The following SLIT3 variants were observed in gnomAD, a reference collection of about 807,000 sequenced individuals.
SLIT3 encodes the protein slit guidance ligand 3, also known as slit homolog 3 protein.
SLIT3 carries 68 observed loss-of-function variants against 184.0 expected under a neutral mutation model. That is an observed-to-expected ratio of 0.37 (90% CI 0.30 to 0.45). SLIT3 has a LOEUF of 0.45. SLIT3 is among the 20% of genes least tolerant of loss of function. SLIT3 has a pLI of 1.00. For missense variants in SLIT3, 1,707 were observed against 2,026.0 expected, an observed-to-expected ratio of 0.84 and a Z score of 3.02; for synonymous variants, 831 against 828.6, an observed-to-expected ratio of 1.00 and a Z score of -0.05.
intron 7 of SLIT3, among the ~76,000 whole-genome samples, chr5:168,817,782 G>C (rs1341998766): frequency 6.6e-6 from 1 of 152,168 alleles, no homozygotes; most frequent in South Asian, 2.1e-4. Context: ...GTGACATCCT[G>C]ATTGGAGTCA....
chr5:169,061,169 G>A (rs1758161682), intron 4 of SLIT3, among the ~76,000 whole-genome samples: 1 of 152,222 alleles, frequency 6.6e-6, no homozygotes, highest in Admixed American at 6.5e-5. Context: ...TCCCATGAAT[G>A]TTTTCTTCCT....
rs367545101 is a variant in SLIT3, at chr5:168,749,469, T to C, written c.2137+3A>G. 5 of 1,613,978 alleles carry C rather than the reference T, an allele frequency of 3.1e-6. No homozygotes were observed. Among genetic ancestry groups the C allele is most frequent in the African/African-American group, 2.7e-5 (2 of 74,918 alleles). On this transcript the variant is annotated splice_donor_region_variant and intron_variant, in intron 19 of 35. Transcript: ENST00000519560. Reference sequence around the variant, plus strand: ...CGCAGACCTTGACCCACAGCCTTCTTACCATCACAGGTGAAGTCCTGGATG... The same window carrying C: ...CGCAGACCTTGACCCACAGCCTTCTCACCATCACAGGTGAAGTCCTGGATG...
intron 4 of SLIT3, among the ~76,000 whole-genome samples, chr5:169,103,215 T>C (rs578247386): frequency 6.6e-6 from 1 of 152,296 alleles, no homozygotes; most frequent in African/African-American, 2.4e-5. Flanking sequence ...CAACACAAAA[T>C]AGCTCGGAAA....
rs1755192533 is a variant in SLIT3 at position 168,762,507 on chromosome 5, G to C, written c.1610+32C>G. 4 of 1,606,420 alleles carry C rather than the reference G, an allele frequency of 2.5e-6. No individual in the cohort carries two copies. The South Asian group carries it at 3.3e-5, about 13-fold the overall frequency. On this transcript the variant is annotated intron_variant, in intron 15 of 35. Transcript: ENST00000519560. ...CTCCGGGTGACTGGCGTGTGGGGAGGAGTAGGGAGTTCACGCCGAGGTTGG... is the reference window on the plus strand; with the variant it reads ...CTCCGGGTGACTGGCGTGTGGGGAGCAGTAGGGAGTTCACGCCGAGGTTGG...
chr5:169,129,069 T>A (rs1761190490), intron 4 of SLIT3, among the ~76,000 whole-genome samples: 1 of 152,270 alleles, frequency 6.6e-6, no homozygotes, highest in East Asian at 1.9e-4. Flanking sequence ...TTATAATTCC[T>A]TGGTAAGCTG....
intron 3 of SLIT3, among the ~76,000 whole-genome samples, chr5:169,230,019 T>C (rs1210625521): frequency 6.6e-6 from 1 of 152,206 alleles, no homozygotes; most frequent in African/African-American, 2.4e-5. Flanking sequence ...CATCTGCTGC[T>C]CACTGTATAA....
chr5:169,194,351 A>G (rs567151822), intron 3 of SLIT3, among the ~76,000 whole-genome samples: 16 of 152,156 alleles, frequency 1.1e-4, no homozygotes, highest in Admixed American at 8.5e-4. Context: ...TTGCTTCAGG[A>G]ACAAAGAAGA....
chr5:169,017,902 G>A (rs1452222249), intron 4 of SLIT3: 3 of 152,254 alleles, frequency 2.0e-5, no homozygotes, highest in Non-Finnish European at 4.4e-5. Flanking sequence ...ATGGGCTTAA[G>A]CAGGAGGAAA....
chr5:168,762,088 CTCT>C (rs1441750855), intron 15 of SLIT3, among the ~76,000 whole-genome samples: 1 of 148,940 alleles, frequency 6.7e-6, no homozygotes, highest in East Asian at 1.9e-4. Context: ...AATTTTTTAG[CTCT>C]TTTTTTTTTG....
At chr5:168,985,757 G>T (rs534170077) in intron 4 of SLIT3, among the ~76,000 whole-genome samples, 2 of 152,114 alleles carry the variant, frequency 1.3e-5, no homozygotes, top group African/African-American at 4.8e-5. Context: ...TGTGGTGGCC[G>T]TCTTGCTACA....
In SLIT3 at chr5:168,868,747, CAAAAAAAAAAAA is replaced by C. The variant is rs375837097; in HGVS notation, c.485+14506_485+14517del. Among the ~76,000 whole-genome samples the C allele has an allele frequency of 6.7e-3, 464 of 69,314 alleles. 7 individuals are homozygous for C. Among genetic ancestry groups the C allele is most frequent in the Middle Eastern group, 0.017 (2 of 118 alleles). The allele number at this position is 69,314 out of a possible 152,430, so 45.5% of individuals were successfully genotyped here. ...CGGGTGGCAGTGTGGGAATCTGCCT[CAAAAAAAAAAAA>C]AAAAAAAGAAAAAGAAAAAGAAAAA... On this transcript the variant is annotated intron_variant, in intron 5 of 35. Coordinates refer to ENST00000519560, the MANE Select transcript of SLIT3 (RefSeq NM_003062.4).
intron 26 of SLIT3, among the ~76,000 whole-genome samples, chr5:168,705,955 C>T (rs1353913810): frequency 6.6e-6 from 1 of 152,174 alleles, no homozygotes. Context: ...AATGCATAAG[C>T]TCCAGATGAG....
chr5:169,129,483 C>G (rs1173916540), intron 4 of SLIT3, among the ~76,000 whole-genome samples: 1 of 152,058 alleles, frequency 6.6e-6, no homozygotes, highest in Non-Finnish European at 1.5e-5. Flanking sequence ...ACCCGGGAGG[C>G]AGAGATTGCA....
chr5:169,076,951 C>G (rs1422500335), intron 4 of SLIT3, among the ~76,000 whole-genome samples: 1 of 151,982 alleles, frequency 6.6e-6, no homozygotes, highest in Non-Finnish European at 1.5e-5. Context: ...CATACACACA[C>G]GCACACACAC....
intron 3 of SLIT3, among the ~76,000 whole-genome samples, chr5:169,223,054 G>C (rs577984932): frequency 6.6e-6 from 1 of 152,142 alleles, no homozygotes; most frequent in Non-Finnish European, 1.5e-5. Context: ...AGCTGCATGG[G>C]TTATTAAAGG....
chr5:168,867,090 G>A (rs1759329813), intron 5 of SLIT3, among the ~76,000 whole-genome samples: 1 of 152,200 alleles, frequency 6.6e-6, no homozygotes, highest in African/African-American at 2.4e-5. Flanking sequence ...GCCTTGACCA[G>A]AAATCAGGAT....
At chr5:168,786,063 A>T (rs1339784907) in intron 11 of SLIT3, 85 bp from the exon 12 acceptor site, 1 of 891,330 alleles carries the variant, frequency 1.1e-6, no homozygotes, top group Non-Finnish European at 1.9e-6. Flanking sequence ...CACCTCGGCC[A>T]GTTCTGGGTA....
chr5:169,072,331 A>G (rs1278867662), intron 4 of SLIT3, among the ~76,000 whole-genome samples: 1 of 152,242 alleles, frequency 6.6e-6, no homozygotes, highest in East Asian at 1.9e-4. Flanking sequence ...GAGAAGTCAC[A>G]TAAGCTTTCT....
At chr5:168,958,287 A>G (rs1017942518) in intron 4 of SLIT3, among the ~76,000 whole-genome samples, 2 of 152,216 alleles carry the variant, frequency 1.3e-5, no homozygotes, top group Non-Finnish European at 2.9e-5. Flanking sequence ...CATGCACATC[A>G]GTATCTAACT....
Sources: allele counts gnomAD v4.1 joint callset (sites outside exome capture counted in the v4.1 genomes callset), GRCh38; gene constraint gnomAD v4.1.1; transcripts MANE v1.5; gene names NCBI Gene and HGNC (gene_info 2026-07-23, HGNC 2026-07-21).